Variants in CDH8 observed in about 807,000 individuals in gnomAD.
CDH8 encodes the protein cadherin-8.
A neutral mutation model predicts 68.1 loss-of-function variants in CDH8; 17 were observed. That is an observed-to-expected ratio of 0.25 (90% confidence interval 0.17 to 0.37). The LOEUF is 0.37. CDH8 is among the 10% of genes least tolerant of loss of function. The pLI is 1.00. For synonymous variants in CDH8, 372 were observed against 365.1 expected (o/e 1.02, Z -0.21); for missense variants, 763 against 999.3 (o/e 0.76, Z 3.19).
intron 4 of CDH8, among the ~76,000 whole-genome samples, chr16:61,844,703 G>C (rs1962767648): frequency 6.6e-6 from 1 of 152,090 alleles, no homozygotes; most frequent in Non-Finnish European, 1.5e-5. Flanking sequence ...TTGCAATTTA[G>C]TATAACTTGT....
intron 8 of CDH8, among the ~76,000 whole-genome samples, chr16:61,742,853 C>T (rs1430099002): frequency 6.6e-6 from 1 of 152,120 alleles, no homozygotes; most frequent in African/African-American, 2.4e-5. Context: ...TTACTTTTCT[C>T]TGTTGAAATT....
intron 1 of CDH8, among the ~76,000 whole-genome samples, chr16:62,024,213 G>C (rs1310392602): frequency 6.6e-6 from 1 of 152,006 alleles, no homozygotes; most frequent in East Asian, 1.9e-4. Flanking sequence ...CTTGGGGTTT[G>C]AGTTCTAATT....
intron 8 of CDH8, among the ~76,000 whole-genome samples, chr16:61,758,825 T>C (rs1960389358): frequency 6.6e-6 from 1 of 152,212 alleles, no homozygotes; most frequent in Non-Finnish European, 1.5e-5. Flanking sequence ...GTTGTTAATA[T>C]CTCAGAAAGA....
intron 2 of CDH8, among the ~76,000 whole-genome samples, chr16:61,923,307 TA>T (rs1325382440): frequency 6.6e-6 from 1 of 152,132 alleles, no homozygotes; most frequent in East Asian, 1.9e-4. Flanking sequence ...AGACACTCAA[TA>T]AGTATTTTAT....
intron 8 of CDH8, among the ~76,000 whole-genome samples, chr16:61,778,525 T>C (rs1323842777): frequency 2.6e-5 from 4 of 151,986 alleles, no homozygotes; most frequent in Non-Finnish European, 5.9e-5. Flanking sequence ...AGACAAAAAA[T>C]TAAATAAATA....
At position 61,906,044 on chromosome 16, in the gene CDH8, G is replaced by A. The variant is rs192203128; in HGVS notation, c.253-4571C>T. On this transcript the variant is annotated intron_variant, in intron 2 of 11. Coordinates refer to ENST00000577390, the MANE Select transcript of CDH8 (RefSeq NM_001796.5). ...CTAATAGATAGAGCAAGGAATTGAG[G>A]AAAAGAAAGGTAATAAGAAATAAGA... 2.9e-3 allele frequency among the ~76,000 whole-genome samples: 436 copies of A among 152,188 alleles called. 3 individuals are homozygous for A. The highest frequency in any genetic ancestry group is 0.01 in the African/African-American group (427 of 41,532).
chr16:61,993,377 T>C lies in CDH8; in HGVS notation c.252+27775A>G, dbSNP rs576434370. 3.3e-5 allele frequency among the ~76,000 whole-genome samples: 5 copies of C among 152,226 alleles called. No homozygotes were observed. In the East Asian group the frequency reaches 9.7e-4, roughly 30 times the overall value. ...CTCTTGTTGCCAGGCTGGAGTGTAATGGTGTGATCTCGGCTCACAGCAACT... is the reference window on the plus strand; with the variant it reads ...CTCTTGTTGCCAGGCTGGAGTGTAACGGTGTGATCTCGGCTCACAGCAACT... On this transcript the variant is annotated intron_variant, in intron 2 of 11. Transcript: ENST00000577390.
chr16:61,991,950 G>T (rs1487394455), intron 2 of CDH8, among the ~76,000 whole-genome samples: 1 of 152,002 alleles, frequency 6.6e-6, no homozygotes, highest in East Asian at 1.9e-4. Context: ...GACAGCGGGG[G>T]ATTTAACACG....
chr16:62,023,245 A>G (rs1453863636), intron 1 of CDH8, among the ~76,000 whole-genome samples: 1 of 152,148 alleles, frequency 6.6e-6, no homozygotes, highest in Non-Finnish European at 1.5e-5. Context: ...CAGCATTTAC[A>G]GCATACCCAT....
chr16:62,028,611 C>T (rs1434544508), intron 1 of CDH8, among the ~76,000 whole-genome samples: 1 of 152,096 alleles, frequency 6.6e-6, no homozygotes, highest in Non-Finnish European at 1.5e-5. Flanking sequence ...AATAAGATCT[C>T]TTCTCTAGTG....
At chr16:61,878,277 C>T (rs901025276) in intron 3 of CDH8, among the ~76,000 whole-genome samples, 9 of 152,166 alleles carry the variant, frequency 5.9e-5, no homozygotes, top group African/African-American at 2.2e-4. Context: ...TTTAACATAG[C>T]TTCACAGGCT....
chr16:61,744,985 T>G (rs1476176158), intron 8 of CDH8, among the ~76,000 whole-genome samples: 2 of 151,376 alleles, frequency 1.3e-5, no homozygotes, highest in East Asian at 3.9e-4. Flanking sequence ...TTATCTTCTT[T>G]CTTTTCTATA....
chr16:61,695,473 T>C (rs1359493612), intron 10 of CDH8, among the ~76,000 whole-genome samples: 1 of 152,176 alleles, frequency 6.6e-6, no homozygotes, highest in East Asian at 1.9e-4. Context: ...ATTCGTTTAG[T>C]AATAATCCCT....
chr16:61,804,145 G>C (rs1356500169), intron 7 of CDH8, among the ~76,000 whole-genome samples: 5 of 145,172 alleles, frequency 3.4e-5, no homozygotes, highest in East Asian at 3.9e-4. Context: ...AATCAAACTA[G>C]AACTCAGGAT....
intron 10 of CDH8, among the ~76,000 whole-genome samples, chr16:61,687,880 C>T (rs1567422273): frequency 1.3e-5 from 2 of 152,114 alleles, no homozygotes; most frequent in East Asian, 3.9e-4. Flanking sequence ...AGCTTTATCT[C>T]ATTTATATAT....
At chr16:61,890,881 G>C (rs1261006803) in intron 3 of CDH8, among the ~76,000 whole-genome samples, 1 of 152,030 alleles carries the variant, frequency 6.6e-6, no homozygotes, top group African/African-American at 2.4e-5. Context: ...TAAAAGAAGA[G>C]TGCACTGGAA....
chr16:61,981,648 ATGTG>A (rs750036103), intron 2 of CDH8, among the ~76,000 whole-genome samples: 8,240 of 146,768 alleles, frequency 0.056, 267 homozygotes, highest in African/African-American at 0.089. Flanking sequence ...CTTGAAAAGA[ATGTG>A]TGTGTGTGTG....
At chr16:61,680,326 A>G (rs948079316) in intron 10 of CDH8, among the ~76,000 whole-genome samples, 3 of 151,930 alleles carry the variant, frequency 2.0e-5, no homozygotes, top group African/African-American at 7.2e-5. Flanking sequence ...ATGATTACAC[A>G]TATTTGTGAT....
chr16:62,031,352 T>A (rs1378583422), intron 1 of CDH8, among the ~76,000 whole-genome samples: 1 of 152,158 alleles, frequency 6.6e-6, no homozygotes, highest in Non-Finnish European at 1.5e-5. Context: ...CAGAGAAAAT[T>A]GTGGTAGATA....
Sources: allele counts gnomAD v4.1 joint callset (sites outside exome capture counted in the v4.1 genomes callset), GRCh38; gene constraint gnomAD v4.1.1; transcripts MANE v1.5; gene names NCBI Gene and HGNC (gene_info 2026-07-23, HGNC 2026-07-21).